The following ZNF423 variants were observed in gnomAD, a reference collection of about 807,000 sequenced individuals.
The protein encoded by ZNF423 is Ebf-associated zinc finger protein.
ZNF423 carries 12 observed loss-of-function variants against 95.8 expected under a neutral mutation model. The observed-to-expected ratio is 0.13, with a 90% CI of 0.08 to 0.20. The LOEUF is 0.20. ZNF423 is among the 10% of genes least tolerant of loss of function. ZNF423 has a pLI of 1.00. For missense variants in ZNF423, 1,316 were observed against 1,737.1 expected (o/e 0.76, Z 4.31); for synonymous variants, 749 against 711.9 (o/e 1.05, Z -0.83).
Position 49,635,768 on chromosome 16 carries a change from C to T in ZNF423, c.3408G>A (p.Lys1136=). The stretch of plus-strand genomic sequence containing the variant: ...TCTCCAGGTCTTCGGCACTCTCAAA[C>T]TTGACACTGCACTCGGGGCAACGGA... ...AGLRCPECSV[K]FESAEDLESH... is the part of the protein sequence containing the mutation. Residue 1136 remains lysine (K), a synonymous_variant, in exon 4 of 8, where the codon AAG becomes AAA. Coordinates refer to ENST00000563137, the MANE Select transcript of ZNF423 (RefSeq NM_001379286.1). The surrounding 1 kb of genome is among the most constrained non-coding windows in gnomAD (Gnocchi z 4.8). The T allele has an allele frequency of 6.2e-7, 1 of 1,612,980 alleles. No homozygotes were observed. The highest frequency in any genetic ancestry group is 8.5e-7 in the Non-Finnish European group (1 of 1,179,882).
intron 3 of ZNF423, among the ~76,000 whole-genome samples, chr16:49,667,289 G>T (rs1335727239): frequency 1.3e-5 from 2 of 152,238 alleles, no homozygotes; most frequent in African/African-American, 4.8e-5. Flanking sequence ...AAAGGTGTGG[G>T]CATGGAGGCC....
intron 1 of ZNF423, among the ~76,000 whole-genome samples, chr16:49,843,359 G>A (rs2035211130): frequency 6.6e-6 from 1 of 152,152 alleles, no homozygotes; most frequent in Non-Finnish European, 1.5e-5. Context: ...TATACTCTAG[G>A]TGCTATCTCC....
intron 1 of ZNF423, among the ~76,000 whole-genome samples, chr16:49,838,063 T>G (rs1033980031): frequency 3.3e-5 from 5 of 152,242 alleles, no homozygotes; most frequent in African/African-American, 1.2e-4. Flanking sequence ...ATCCAGTGAA[T>G]GAATGAAGTC....
intron 2 of ZNF423, among the ~76,000 whole-genome samples, chr16:49,755,670 G>A (rs1223257687): frequency 6.6e-6 from 1 of 152,100 alleles, no homozygotes; most frequent in African/African-American, 2.4e-5. Context: ...TCGTTTACAG[G>A]GTGTGTGCTC....
chr16:49,857,216 C>T (rs2035380790), upstream of ZNF423, among the ~76,000 whole-genome samples: 1 of 150,426 alleles, frequency 6.6e-6, no homozygotes, highest in Non-Finnish European at 1.5e-5. The surrounding 1 kb of genome is among the most constrained non-coding windows in gnomAD (Gnocchi z 6.2). Flanking sequence ...ACTGCTCCGG[C>T]TCGGATCAGA....
At chr16:49,750,484 A>C (rs1213749155) in intron 2 of ZNF423, among the ~76,000 whole-genome samples, 1 of 152,182 alleles carries the variant, frequency 6.6e-6, no homozygotes, top group Admixed American at 6.5e-5. Flanking sequence ...TGAGTCACAG[A>C]AGACGTGTCA....
chr16:49,611,008 G>T (rs1971702949), intron 5 of ZNF423, among the ~76,000 whole-genome samples: 1 of 152,030 alleles, frequency 6.6e-6, no homozygotes, highest in East Asian at 1.9e-4. Context: ...AATATGCTAA[G>T]CAAAAGCTAA....
chr16:49,518,208 G>A (rs9939556), intron 7 of ZNF423: 210,323 of 377,838 alleles, frequency 0.56, 60,513 homozygotes, highest in African/African-American at 0.79. Flanking sequence ...ACATGCACTT[G>A]TAGCTTCTGC....
intron 2 of ZNF423, among the ~76,000 whole-genome samples, chr16:49,781,716 C>T (rs943423948): frequency 3.3e-5 from 5 of 152,208 alleles, no homozygotes; most frequent in African/African-American, 1.2e-4. Flanking sequence ...CCAGCCAAAA[C>T]CTCGGGGCAA....
At chr16:49,771,697 A>G (rs2143713152) in intron 2 of ZNF423, among the ~76,000 whole-genome samples, 1 of 152,314 alleles carries the variant, frequency 6.6e-6, no homozygotes, top group African/African-American at 2.4e-5. Flanking sequence ...ACACCATGTA[A>G]GACGTGCCTT....
rs187386747 is a variant in ZNF423 at position 49,805,655 on chromosome 16, T to C, written c.41-16109A>G. ...GACTCCTTTTTTCTGAACCCTCCAG[T>C]GACCAGTCTGCAGAGGTCAGTATTG... On this transcript the variant is annotated intron_variant, in intron 1 of 7. Coordinates refer to ENST00000563137, the MANE Select transcript of ZNF423 (RefSeq NM_001379286.1). Among the ~76,000 whole-genome samples, 12 of 152,352 alleles carry C rather than the reference T, an allele frequency of 7.9e-5. No homozygotes were observed. In the East Asian group the frequency reaches 2.3e-3, roughly 29 times the overall value.
chr16:49,854,766 G>C (rs917298233), intron 1 of ZNF423: 8 of 985,272 alleles, frequency 8.1e-6, no homozygotes, highest in Admixed American at 6.1e-5. Context: ...TACTCTCCAG[G>C]GGTCCCCTCG....
chr16:49,730,232 C>T (rs2033128731), intron 3 of ZNF423, among the ~76,000 whole-genome samples: 1 of 152,164 alleles, frequency 6.6e-6, no homozygotes, highest in Non-Finnish European at 1.5e-5. Context: ...GAGAACAGAG[C>T]TCCAGTCAAA....
chr16:49,508,866 G>C (rs943453671), intron 7 of ZNF423, among the ~76,000 whole-genome samples: 1 of 152,124 alleles, frequency 6.6e-6, no homozygotes, highest in Non-Finnish European at 1.5e-5. Flanking sequence ...AAGAGCATAA[G>C]ATGCTCCAGT....
chr16:49,661,659 G>A (rs1225288743), intron 3 of ZNF423, among the ~76,000 whole-genome samples: 1 of 152,238 alleles, frequency 6.6e-6, no homozygotes, highest in African/African-American at 2.4e-5. Flanking sequence ...GCCAGCGACT[G>A]CACTGTTGAA....
intron 5 of ZNF423, among the ~76,000 whole-genome samples, chr16:49,562,967 G>C (rs1277808242): frequency 6.6e-6 from 1 of 152,056 alleles, no homozygotes; most frequent in Admixed American, 6.6e-5. Flanking sequence ...TGCATTTTTA[G>C]TAGAGATGGG....
chr16:49,837,352 G>A (rs1016551913), intron 1 of ZNF423, among the ~76,000 whole-genome samples: 1 of 152,120 alleles, frequency 6.6e-6, no homozygotes, highest in Non-Finnish European at 1.5e-5. Context: ...AAATGAAGAG[G>A]GACAACCCCT....
chr16:49,664,302 CGCG>C (rs2030418776), intron 3 of ZNF423: 1 of 985,648 alleles, frequency 1.0e-6, no homozygotes, highest in South Asian at 4.7e-5. Context: ...GTGCTGCTCC[CGCG>C]GCGGCGCTTG....
chr16:49,654,664 A>C (rs1973541012), intron 3 of ZNF423, among the ~76,000 whole-genome samples: 1 of 152,240 alleles, frequency 6.6e-6, no homozygotes, highest in African/African-American at 2.4e-5. Flanking sequence ...GCTACCTCCC[A>C]TTGGTAGGAC....
Sources: allele counts gnomAD v4.1 joint callset (sites outside exome capture counted in the v4.1 genomes callset), GRCh38; gene constraint gnomAD v4.1.1; non-coding constraint Gnocchi (gnomAD v3.1); transcripts MANE v1.5; gene names NCBI Gene and HGNC (gene_info 2026-07-23, HGNC 2026-07-21).